Variants in CDH1 observed in about 807,000 individuals in gnomAD.
The protein encoded by CDH1 is cadherin 1, also known as cadherin-1.
Under a neutral mutation model 84.5 loss-of-function variants are expected in CDH1, and 35 were observed. The observed-to-expected ratio is 0.41, with a 90% confidence interval of 0.32 to 0.55. The LOEUF is 0.55. Among genes scored for constraint, CDH1 ranks in the 20% least tolerant of loss-of-function variants. The pLI is 0.19. For missense variants in CDH1, 994 were observed against 1,126.6 expected, an observed-to-expected ratio of 0.88 and a Z score of 1.68; for synonymous variants, 417 against 439.0, an observed-to-expected ratio of 0.95 and a Z score of 0.63.
In CDH1 at chr16:68,833,899, A is replaced by G. The variant is rs994810120; in HGVS notation, c.*400A>G. On this transcript the variant is annotated 3_prime_UTR_variant, in exon 16 of 16. Coordinates refer to ENST00000261769, the MANE Select transcript of CDH1 (RefSeq NM_004360.5). ...ACTCTAGTTCTGTTGTTTTGTGTAT[A>G]TAATTTTTTAAAAAAAATTTGTGTG... 4.7e-5 allele frequency: 16 copies of G among 340,916 alleles called. No homozygotes were observed. The highest frequency in any genetic ancestry group is 6.5e-5 in the Non-Finnish European group (12 of 183,532). 21.1% of individuals were successfully genotyped at this position (340,916 alleles called of 1,614,324 possible).
chr16:68,808,666 A>T (rs2152130002), intron 4 of CDH1, 27 bp from the exon 5 acceptor site: 1 of 1,613,940 alleles, frequency 6.2e-7, no homozygotes, highest in Non-Finnish European at 8.5e-7. Flanking sequence ...TTCTTTACTA[A>T]TTCTTTTTCT....
intron 11 of CDH1, among the ~76,000 whole-genome samples, chr16:68,820,392 C>G (rs35982783): frequency 0.047 from 7,096 of 150,214 alleles, 329 homozygotes; most frequent in African/African-American, 0.12. Flanking sequence ...GCTCTGTCAC[C>G]CAGGCTGGAG....
chr16:68,779,176 T>C (rs1038909881), intron 2 of CDH1, among the ~76,000 whole-genome samples: 2 of 152,216 alleles, frequency 1.3e-5, no homozygotes, highest in Admixed American at 6.5e-5. Context: ...TCAGCACTTT[T>C]AGCCTTCCAC....
chr16:68,830,176 A>C (rs1961449682), intron 15 of CDH1, among the ~76,000 whole-genome samples: 1 of 150,930 alleles, frequency 6.6e-6, no homozygotes, highest in African/African-American at 2.4e-5. Context: ...CTGGTCTCTA[A>C]CTCCTGACTC....
At chr16:68,775,303 A>G (rs1468179525) in intron 2 of CDH1, among the ~76,000 whole-genome samples, 1 of 152,198 alleles carries the variant, frequency 6.6e-6, no homozygotes, top group Non-Finnish European at 1.5e-5. Context: ...CTCCTGAACC[A>G]CAATGCCATT....
In CDH1 at chr16:68,821,986, TG is replaced by T; in HGVS notation, c.1712-14del. The T allele has an allele frequency of 6.2e-7, 1 of 1,602,770 alleles. No homozygotes were observed. Among genetic ancestry groups the T allele is most frequent in the Non-Finnish European group, 8.5e-7 (1 of 1,169,738 alleles). On this transcript the variant is annotated splice_polypyrimidine_tract_variant and intron_variant, in intron 11 of 15. Coordinates refer to ENST00000261769, the MANE Select transcript of CDH1 (RefSeq NM_004360.5). ...TGTTGCCAAGCTGCCACATTTTCTG[TG>T]TATTTTCTCTTAGGTTCTCCAGTTG...
intron 11 of CDH1, among the ~76,000 whole-genome samples, chr16:68,820,962 G>A (rs1285641326): frequency 2.0e-5 from 3 of 152,062 alleles, no homozygotes; most frequent in African/African-American, 4.8e-5. Flanking sequence ...TTTAAATGAC[G>A]TGTGCTCATT....
At position 68,819,298 on chromosome 16, in the gene CDH1, C is replaced by T. The variant is rs1381792953; in HGVS notation, c.1584C>T (p.Asp528=). Residue 528 remains aspartate, a synonymous_variant, in exon 11 of 16, where the codon GAC becomes GAT. Transcript: ENST00000261769. ...CGTTCAGATATCGGATTTGGAGAGA[C>T]ACTGCCAACTGGCTGGAGATTAATC... ...EQKITYRIWR[D]TANWLEINPD... 1 of 1,614,206 alleles carries T rather than the reference C, an allele frequency of 6.2e-7. No homozygotes were observed. Among genetic ancestry groups the T allele is most frequent in the Admixed American group, 1.7e-5 (1 of 60,030 alleles).
chr16:68,781,993 C>T (rs1177421824), intron 2 of CDH1, among the ~76,000 whole-genome samples: 3 of 152,192 alleles, frequency 2.0e-5, no homozygotes, highest in Non-Finnish European at 4.4e-5. Flanking sequence ...CAGGAAACTC[C>T]TTTCATGGCC....
At chr16:68,749,442 T>G (rs1363758855) in intron 2 of CDH1, among the ~76,000 whole-genome samples, 1 of 152,220 alleles carries the variant, frequency 6.6e-6, no homozygotes, top group Non-Finnish European at 1.5e-5. Context: ...TAATCTTGTG[T>G]CAATAGATAC....
At chr16:68,797,605 C>T (rs896758609) in intron 2 of CDH1, among the ~76,000 whole-genome samples, 23 of 151,734 alleles carry the variant, frequency 1.5e-4, no homozygotes, top group East Asian at 1.4e-3. Context: ...GCTTGAGCCC[C>T]GAAAGCCAAG....
At chr16:68,738,964 T>TTTTTTTTTTTTTTCTTTTTTTTTTTTTA (rs555202424) in intron 2 of CDH1, among the ~76,000 whole-genome samples, 1 of 65,364 alleles carries the variant, frequency 1.5e-5, no homozygotes, top group Non-Finnish European at 2.8e-5. Context: ...TTTTTTTTTT[T>TTTTTTTTTTTTTTCTTTTTTTTTTTTTA]AAAGACAGGG....
chr16:68,784,456 C>G (rs1276309176), intron 2 of CDH1, among the ~76,000 whole-genome samples: 2 of 152,138 alleles, frequency 1.3e-5, no homozygotes, highest in Non-Finnish European at 2.9e-5. Flanking sequence ...ACCCCCTTCC[C>G]TCTCCCATCA....
At chr16:68,757,759 C>CTT in intron 2 of CDH1, among the ~76,000 whole-genome samples, 1 of 144,340 alleles carries the variant, frequency 6.9e-6, no homozygotes, top group Non-Finnish European at 1.5e-5. Context: ...CTTTTTCTTT[C>CTT]TCTCTCTCTC....
At chr16:68,788,557 G>A (rs887664374) in intron 2 of CDH1, among the ~76,000 whole-genome samples, 2 of 152,102 alleles carry the variant, frequency 1.3e-5, no homozygotes, top group Non-Finnish European at 2.9e-5. Context: ...ATGCTTTTAA[G>A]GTTCATCTAT....
intron 2 of CDH1, among the ~76,000 whole-genome samples, chr16:68,779,824 G>C (rs1011224483): frequency 6.6e-6 from 1 of 152,050 alleles, no homozygotes; most frequent in African/African-American, 2.4e-5. Context: ...CTGCACTCCA[G>C]CCTGGCAACA....
intron 11 of CDH1, 132 bp downstream of exon 11, chr16:68,819,557 T>C (rs1474581985): frequency 7.8e-6 from 8 of 1,020,846 alleles, no homozygotes; most frequent in Non-Finnish European, 1.2e-5. Flanking sequence ...TTGATTTGTA[T>C]AAATGTATGG....
At chr16:68,767,389 G>C (rs1203120165) in intron 2 of CDH1, among the ~76,000 whole-genome samples, 1 of 151,848 alleles carries the variant, frequency 6.6e-6, no homozygotes, top group African/African-American at 2.4e-5. Flanking sequence ...GTGAAGACAG[G>C]GTTTCACCAT....
chr16:68,749,035 A>G (rs1262937439), intron 2 of CDH1, among the ~76,000 whole-genome samples: 1 of 152,120 alleles, frequency 6.6e-6, no homozygotes, highest in Admixed American at 6.5e-5. Context: ...ACGGGATTTC[A>G]TCAGTTGGCC....
Sources: gnomAD v4.1 joint callset for allele counts (sites outside exome capture counted in the v4.1 genomes callset) on GRCh38, gnomAD v4.1.1 for gene constraint, MANE v1.5 for transcripts, NCBI Gene and HGNC (gene_info 2026-07-23, HGNC 2026-07-21) for gene names.